The following OPCML variants were observed in gnomAD, a reference collection of about 807,000 sequenced individuals.
OPCML encodes the protein opioid binding protein/cell adhesion molecule like.
Under a neutral mutation model 37.8 loss-of-function variants are expected in OPCML, and 13 were observed. The observed-to-expected ratio is 0.34, with a 90% CI of 0.22 to 0.55. The LOEUF (loss-of-function observed/expected upper bound fraction) is 0.55, where lower values mean the gene tolerates loss of function less well. OPCML is among the 20% of genes least tolerant of loss of function. The probability of loss-of-function intolerance (pLI) is 0.91; values close to 1 mark genes in which losing one functional copy is unlikely to be tolerated. For missense variants in OPCML, 341 were observed against 435.6 expected, an observed-to-expected ratio of 0.78 and a Z score of 1.93; for synonymous variants, 176 against 168.8, an observed-to-expected ratio of 1.04 and a Z score of -0.33.
intron 3 of OPCML, among the ~76,000 whole-genome samples, chr11:132,544,973 C>A (rs2096365606): frequency 6.6e-6 from 1 of 152,154 alleles, no homozygotes; most frequent in South Asian, 2.1e-4. Context: ...CCCAGTTAGC[C>A]CATGGCATAC....
intron 2 of OPCML, among the ~76,000 whole-genome samples, chr11:132,815,868 C>A (rs1226725932): frequency 6.6e-6 from 1 of 152,180 alleles, no homozygotes. Flanking sequence ...ATGCAACAGA[C>A]ACAGATAGAG....
intron 1 of OPCML, among the ~76,000 whole-genome samples, chr11:133,182,040 G>A (rs1219902610): frequency 1.4e-5 from 2 of 147,948 alleles, no homozygotes; most frequent in Non-Finnish European, 3.0e-5. Context: ...AAGTGTCACT[G>A]TTGTTCTTCT....
chr11:132,507,825 T>C (rs1195618518), intron 4 of OPCML, among the ~76,000 whole-genome samples: 1 of 151,160 alleles, frequency 6.6e-6, no homozygotes, highest in African/African-American at 2.4e-5. Flanking sequence ...TAGTTATAAC[T>C]ACTAAAGCAA....
At chr11:132,741,676 A>T (rs1415181806) in intron 2 of OPCML, among the ~76,000 whole-genome samples, 2 of 152,198 alleles carry the variant, frequency 1.3e-5, no homozygotes, top group African/African-American at 4.8e-5. Flanking sequence ...GGACATTGGC[A>T]TTGTTCTAAA....
At chr11:133,124,365 A>C (rs954010591) in intron 1 of OPCML, among the ~76,000 whole-genome samples, 1 of 152,076 alleles carries the variant, frequency 6.6e-6, no homozygotes, top group Non-Finnish European at 1.5e-5. Flanking sequence ...GCAGCCTGGT[A>C]TCAGGACATC....
At chr11:132,797,516 G>A (rs1938397273) in intron 2 of OPCML, among the ~76,000 whole-genome samples, 1 of 152,160 alleles carries the variant, frequency 6.6e-6, no homozygotes, top group Non-Finnish European at 1.5e-5. Flanking sequence ...TCAATAAAGT[G>A]AGTTTCACTA....
At chr11:132,762,307 G>A (rs965270958) in intron 2 of OPCML, among the ~76,000 whole-genome samples, 4 of 152,200 alleles carry the variant, frequency 2.6e-5, no homozygotes, top group Non-Finnish European at 5.9e-5. Context: ...CCACTTGAGG[G>A]GCAGTCTGTC....
chr11:133,035,763 A>G (rs570649225), intron 1 of OPCML, among the ~76,000 whole-genome samples: 2 of 152,226 alleles, frequency 1.3e-5, no homozygotes, highest in East Asian at 3.9e-4. Flanking sequence ...CTAATCCTAT[A>G]TTACTGTTGT....
chr11:132,438,571 G>A (rs1354218922), intron 4 of OPCML, among the ~76,000 whole-genome samples: 1 of 151,944 alleles, frequency 6.6e-6, no homozygotes, highest in Non-Finnish European at 1.5e-5. Context: ...GTGGGCAGCA[G>A]GAAGGTGGAA....
intron 1 of OPCML, among the ~76,000 whole-genome samples, chr11:133,034,327 G>GTGTGTGTA (rs2136930684): frequency 6.6e-6 from 1 of 151,890 alleles, no homozygotes; most frequent in African/African-American, 2.4e-5. Flanking sequence ...GTGTGTGTGT[G>GTGTGTGTA]TGTGTGTGTG....
At position 132,593,490 on chromosome 11, in the gene OPCML, T is replaced by A. The variant is rs556351391; in HGVS notation, c.379+63597A>T. 2.6e-5 allele frequency among the ~76,000 whole-genome samples: 4 copies of A among 152,308 alleles called. No individual in the cohort carries two copies. In the East Asian group the frequency reaches 7.7e-4, roughly 29 times the overall value. ...AATTTAACTGCGAAATAATTAAATA[T>A]GTAGCCTCCTTCATATTTAAAGAAG... On this transcript the variant is annotated intron_variant, in intron 3 of 7. Coordinates refer to ENST00000524381, the MANE Select transcript of OPCML (RefSeq NM_001012393.5).
Position 132,453,872 on chromosome 11 carries a change from T to A in OPCML, c.506-16513A>T, listed in dbSNP as rs560759139. ...TCTGGAATTCACACTGCAGGTTATTTCCTTACTGGTACTACTTTTCTGAGG... is the reference window on the plus strand; with the variant it reads ...TCTGGAATTCACACTGCAGGTTATTACCTTACTGGTACTACTTTTCTGAGG... On this transcript the variant is annotated intron_variant, in intron 4 of 7. Coordinates refer to ENST00000524381, the MANE Select transcript of OPCML (RefSeq NM_001012393.5). 6.3e-4 allele frequency among the ~76,000 whole-genome samples: 96 copies of A among 152,306 alleles called. 1 individual carries two copies. Among genetic ancestry groups the A allele is most frequent in the Admixed American group, 6.2e-3 (95 of 15,302 alleles).
At chr11:133,053,182 C>G (rs764535190) in intron 1 of OPCML, among the ~76,000 whole-genome samples, 3 of 152,246 alleles carry the variant, frequency 2.0e-5, no homozygotes, top group Non-Finnish European at 4.4e-5. Flanking sequence ...CACCTCTACA[C>G]TGGTGATAAT....
chr11:132,502,217 G>A (rs2096247107), intron 4 of OPCML, among the ~76,000 whole-genome samples: 1 of 152,160 alleles, frequency 6.6e-6, no homozygotes, highest in Non-Finnish European at 1.5e-5. Flanking sequence ...TAAAGACACA[G>A]CATCACCCTC....
chr11:133,225,437 C>A (rs372021589), intron 1 of OPCML, among the ~76,000 whole-genome samples: 3 of 152,220 alleles, frequency 2.0e-5, no homozygotes, highest in African/African-American at 7.2e-5. Context: ...GACCTTCCAG[C>A]AGCTCGCTTC....
chr11:133,047,686 A>G (rs1249741111), intron 1 of OPCML, among the ~76,000 whole-genome samples: 1 of 152,156 alleles, frequency 6.6e-6, no homozygotes, highest in Non-Finnish European at 1.5e-5. Context: ...TCTCTCTGCC[A>G]CTTCCATCCC....
intron 2 of OPCML, among the ~76,000 whole-genome samples, chr11:132,783,066 A>T (rs923690819): frequency 4.0e-5 from 6 of 151,822 alleles, no homozygotes; most frequent in South Asian, 2.1e-4. Flanking sequence ...TGGAAGTTTG[A>T]AAAGGTCAGT....
chr11:133,078,686 C>T (rs147256697), intron 1 of OPCML, among the ~76,000 whole-genome samples: 1 of 152,254 alleles, frequency 6.6e-6, no homozygotes, highest in Non-Finnish European at 1.5e-5. Context: ...TTCTGGGATG[C>T]ACCACGGGCA....
intron 2 of OPCML, among the ~76,000 whole-genome samples, chr11:132,717,401 T>C (rs554958234): frequency 9.9e-5 from 15 of 152,278 alleles, no homozygotes; most frequent in African/African-American, 3.4e-4. Flanking sequence ...TTTTAAGCAA[T>C]ATTTTATAAG....
Sources: allele counts gnomAD v4.1 joint callset (sites outside exome capture counted in the v4.1 genomes callset), GRCh38; gene constraint gnomAD v4.1.1; transcripts MANE v1.5; gene names NCBI Gene and HGNC (gene_info 2026-07-23, HGNC 2026-07-21).